The following HLA-DRA variants were observed in gnomAD, a reference collection of about 807,000 sequenced individuals.
HLA-DRA encodes the protein major histocompatibility complex, class II, DR alpha.
HLA-DRA carries 8 observed loss-of-function variants against 22.1 expected under a neutral mutation model. The ratio of observed to expected loss-of-function variants is 0.36; its 90% CI spans 0.21 to 0.65. HLA-DRA has a LOEUF of 0.65. HLA-DRA is among the 30% of genes least tolerant of loss of function. The probability of loss-of-function intolerance (pLI) is 0.63; values close to 1 mark genes in which losing one functional copy is unlikely to be tolerated. For synonymous variants in HLA-DRA, 101 were observed against 117.1 expected, an observed-to-expected ratio of 0.86 and a Z score of 0.89; for missense variants, 248 against 321.3, an observed-to-expected ratio of 0.77 and a Z score of 1.74.
In HLA-DRA at chr6:32,443,255, C is replaced by T; in HGVS notation, c.399C>T (p.Phe133=). The T allele has an allele frequency of 6.2e-7, 1 of 1,612,930 alleles. No homozygotes were observed. The highest frequency in any genetic ancestry group is 1.6e-4 in the Middle Eastern group (1 of 6,062). ...GAGAGCCCAACGTCCTCATCTGTTT[C>T]ATAGACAAGTTCACCCCACCAGTGG... ...ELREPNVLIC[F]IDKFTPPVVN... The change falls in exon 3 of 5, where the codon TTC becomes TTT. Residue 133 remains phenylalanine, a synonymous_variant. Coordinates refer to ENST00000395388, the MANE Select transcript of HLA-DRA (RefSeq NM_019111.5).
At position 32,442,486 on chromosome 6, in the gene HLA-DRA, C is replaced by A. The variant is rs1486234672; in HGVS notation, c.121C>A (p.Pro41Thr). ...VIIQAEFYLN[P>T]DQSGEFMFDF... is the part of the protein sequence containing the mutation. Reference sequence around the variant, plus strand: ...CATCCAGGCCGAGTTCTATCTGAATCCTGACCAATCAGGCGAGTTTATGTT... The same window carrying A: ...CATCCAGGCCGAGTTCTATCTGAATACTGACCAATCAGGCGAGTTTATGTT... Residue 41 changes from proline to threonine, a missense_variant, in exon 2 of 5, where the codon CCT becomes ACT. Pro to Thr is a conservative substitution (Grantham distance 38). Coordinates refer to ENST00000395388, the MANE Select transcript of HLA-DRA (RefSeq NM_019111.5). 10 of 1,612,936 alleles carry A rather than the reference C, an allele frequency of 6.2e-6. No homozygotes were observed. Among genetic ancestry groups the A allele is most frequent in the Non-Finnish European group, 7.6e-6 (9 of 1,180,036 alleles).
rs541798926 is a variant in HLA-DRA, at chr6:32,443,868, A to G, written c.723A>G (p.Gly241=). The G allele has an allele frequency of 1.2e-6, 2 of 1,611,328 alleles. No homozygotes were observed. Among genetic ancestry groups the G allele is most frequent in the Non-Finnish European group, 1.7e-6 (2 of 1,179,276 alleles). Residue 241 remains glycine (G), a synonymous_variant, in exon 4 of 5, where the codon GGA becomes GGG. Coordinates refer to ENST00000395388, the MANE Select transcript of HLA-DRA (RefSeq NM_019111.5). ...TTGGGACCATCTTCATCATCAAGGG[A>G]TTGCGCAAAAGCAATGCAGCAGAAC... is the stretch of plus-strand genomic sequence containing the variant. ...IIIGTIFIIK[G]LRKSNAAERR...
intron 1 of HLA-DRA, among the ~76,000 whole-genome samples, chr6:32,441,376 A>G (rs1483068014): frequency 1.3e-5 from 2 of 151,746 alleles, no homozygotes; most frequent in African/African-American, 4.8e-5. Context: ...AACCAAAACA[A>G]AACAAAATAT....
Position 32,442,631 on chromosome 6 carries a change from C to G in HLA-DRA, c.266C>G (p.Ala89Gly). ...GCTCAAGGTGCATTGGCCAACATAG[C>G]TGTGGACAAAGCCAACCTGGAAATC... ...FEAQGALANI[A>G]VDKANLEIMT... Residue 89 changes from alanine to glycine, a missense_variant, in exon 2 of 5, where the codon GCT becomes GGT. Transcript: ENST00000395388. 1.9e-6 allele frequency: 3 copies of G among 1,613,064 alleles called. No individual in the cohort carries two copies. Among genetic ancestry groups the G allele is most frequent in the Non-Finnish European group, 2.5e-6 (3 of 1,180,018 alleles).
In HLA-DRA at chr6:32,443,808, C is replaced by T. The variant is rs139874048; in HGVS notation, c.663C>T (p.Ala221=). 5.0e-4 allele frequency: 800 copies of T among 1,612,004 alleles called. No individual in the cohort carries two copies. Among genetic ancestry groups the T allele is most frequent in the Non-Finnish European group, 6.6e-4 (778 of 1,179,636 alleles). ...LPETTENVVC[A]LGLTVGLVGI... is the part of the protein sequence containing the mutation. ...AGACTACAGAGAACGTGGTGTGTGCCCTGGGCCTGACTGTGGGTCTGGTGG... is the reference window on the plus strand; with the variant it reads ...AGACTACAGAGAACGTGGTGTGTGCTCTGGGCCTGACTGTGGGTCTGGTGG... Residue 221 remains alanine, a synonymous_variant, in exon 4 of 5, where the codon GCC becomes GCT. Coordinates refer to ENST00000395388, the MANE Select transcript of HLA-DRA (RefSeq NM_019111.5).
chr6:32,443,415 G>T lies in HLA-DRA; in HGVS notation c.559G>T (p.Asp187Tyr), dbSNP rs770825671. ...PFLPSTEDVY[D>Y]CRVEHWGLDE... ...CCTGCCCTCAACTGAGGACGTTTACGACTGCAGGGTGGAGCACTGGGGCTT... is the reference window on the plus strand; with the variant it reads ...CCTGCCCTCAACTGAGGACGTTTACTACTGCAGGGTGGAGCACTGGGGCTT... Residue 187 changes from aspartate to tyrosine, a missense_variant, in exon 3 of 5, where the codon GAC becomes TAC. By Grantham distance (160) the Asp-to-Tyr change is radical. Coordinates refer to ENST00000395388, the MANE Select transcript of HLA-DRA (RefSeq NM_019111.5). The T allele has an allele frequency of 1.2e-6, 2 of 1,613,010 alleles. No homozygotes were observed. Among genetic ancestry groups the T allele is most frequent in the Non-Finnish European group, 1.7e-6 (2 of 1,180,002 alleles).
intron 1 of HLA-DRA, among the ~76,000 whole-genome samples, chr6:32,440,824 C>A (rs1486192528): frequency 6.6e-6 from 1 of 152,178 alleles, no homozygotes; most frequent in Non-Finnish European, 1.5e-5. Flanking sequence ...CCCAGCGTGA[C>A]CCCCACAGAA....
intron 1 of HLA-DRA, among the ~76,000 whole-genome samples, chr6:32,440,826 C>G (rs1476816753): frequency 6.6e-6 from 1 of 152,172 alleles, no homozygotes; most frequent in Non-Finnish European, 1.5e-5. Flanking sequence ...CAGCGTGACC[C>G]CCACAGAAGG....
rs756467266 is a variant in HLA-DRA, at chr6:32,443,447, G to A, written c.591G>A (p.Glu197=). 12 of 1,612,900 alleles carry A rather than the reference G, an allele frequency of 7.4e-6. No homozygotes were observed. The South Asian group carries it at 9.9e-5, about 13-fold the overall frequency. ...DCRVEHWGLD[E]PLLKHWEFDA... is the part of the protein sequence containing the mutation. The stretch of plus-strand genomic sequence containing the variant: ...GGGTGGAGCACTGGGGCTTGGATGA[G>A]CCTCTTCTCAAGCACTGGGGTATGG... Residue 197 remains glutamate (E), a synonymous_variant, in exon 3 of 5, where the codon GAG becomes GAA. Coordinates refer to ENST00000395388, the MANE Select transcript of HLA-DRA (RefSeq NM_019111.5).
Position 32,442,648 on chromosome 6 carries a change from C to A in HLA-DRA, c.283C>A (p.Leu95Met). 6.2e-7 allele frequency: 1 copy of A among 1,613,068 alleles called. No homozygotes were observed. The highest frequency in any genetic ancestry group is 8.5e-7 in the Non-Finnish European group (1 of 1,180,022). Residue 95 changes from leucine to methionine, a missense_variant, in exon 2 of 5, where the codon CTG becomes ATG. By Grantham distance (15) the Leu-to-Met change is conservative (BLOSUM62 2). Transcript: ENST00000395388. Reference protein sequence around the residue: ...LANIAVDKANLEIMTKRSNYT... With the variant: ...LANIAVDKANMEIMTKRSNYT... ...CAACATAGCTGTGGACAAAGCCAAC[C>A]TGGAAATCATGACAAAGCGCTCCAA...
In HLA-DRA at chr6:32,443,326, T is replaced by A; in HGVS notation, c.470T>A (p.Val157Glu). 1.2e-6 allele frequency: 2 copies of A among 1,612,978 alleles called. No individual in the cohort carries two copies. The highest frequency in any genetic ancestry group is 1.7e-6 in the Non-Finnish European group (2 of 1,180,006). The part of the protein sequence containing the change: ...LRNGKPVTTG[V>E]SETVFLPRED... The stretch of plus-strand genomic sequence containing the variant: ...AATGGAAAACCTGTCACCACAGGAG[T>A]GTCAGAGACAGTCTTCCTGCCCAGG... The change falls in exon 3 of 5, where the codon GTG (valine) becomes GAG (glutamate). Residue 157 changes from valine to glutamate, a missense_variant. Transcript: ENST00000395388.
intron 2 of HLA-DRA, 53 bp from the exon 3 acceptor site, chr6:32,443,132 T>G: frequency 1.5e-5 from 23 of 1,493,180 alleles, no homozygotes; most frequent in Non-Finnish European, 2.1e-5. Flanking sequence ...GGGAGAGGGG[T>G]GAGCCTAAGC....
intron 2 of HLA-DRA, among the ~76,000 whole-genome samples, chr6:32,442,921 T>C (rs1001105789): frequency 1.3e-5 from 2 of 152,150 alleles, no homozygotes; most frequent in South Asian, 2.1e-4. Flanking sequence ...TACGAAGTCA[T>C]TGCCCTAAGT....
chr6:32,440,050 G>T lies in HLA-DRA; in HGVS notation c.82+18G>T. ...TATCAAAGGTAGGTGCTGAGGGAAT[G>T]AAATCTGGGACGATAGACTACGAAG... On this transcript the variant is annotated intron_variant, in intron 1 of 4. Transcript: ENST00000395388. 6.2e-7 allele frequency: 1 copy of T among 1,600,042 alleles called. No homozygotes were observed. The highest frequency in any genetic ancestry group is 8.6e-7 in the Non-Finnish European group (1 of 1,167,160).
rs548267071 is a variant in HLA-DRA, at chr6:32,443,550, A to C, written c.610+84A>C. The stretch of plus-strand genomic sequence containing the variant: ...AAACTCGGTGTTCTAACTGTTTCAT[A>C]ATATCTGCTACAATTAATATAACTG... On this transcript the variant is annotated intron_variant, in intron 3 of 4. Coordinates refer to ENST00000395388, the MANE Select transcript of HLA-DRA (RefSeq NM_019111.5). The C allele has an allele frequency of 2.3e-6, 3 of 1,293,226 alleles. No individual in the cohort carries two copies. In the South Asian group the frequency reaches 4.0e-5, roughly 17 times the overall value. The allele number at this position is 1,293,226 out of a possible 1,614,324, so 80.1% of individuals were successfully genotyped here. A position where few individuals can be genotyped will look rare whatever the true frequency, so the allele number is the denominator to read the frequency against.
rs755929063 is a variant in HLA-DRA at position 32,442,726 on chromosome 6, G to T, written c.328+33G>T. On this transcript the variant is annotated intron_variant, in intron 2 of 4. Coordinates refer to ENST00000395388, the MANE Select transcript of HLA-DRA (RefSeq NM_019111.5). ...CCTCTCTGCTGCACTCCTGGACATG[G>T]GAATCCATAGTTTGAAAGTAGTTGC... The T allele has an allele frequency of 6.2e-6, 10 of 1,607,948 alleles. No homozygotes were observed. The African/African-American group carries it at 1.2e-4, about 19-fold the overall frequency.
At position 32,443,792 on chromosome 6, in the gene HLA-DRA, A is replaced by G. The variant is rs1301600192; in HGVS notation, c.647A>G (p.Glu216Gly). Residue 216 changes from glutamate to glycine, a missense_variant, in exon 4 of 5, where the codon GAG becomes GGG. Physicochemically the swap from Glu to Gly is moderately conservative, Grantham distance 98. Coordinates refer to ENST00000395388, the MANE Select transcript of HLA-DRA (RefSeq NM_019111.5). ...DAPSPLPETT[E>G]NVVCALGLTV... is the part of the protein sequence containing the mutation. ...CCAAGCCCTCTCCCAGAGACTACAG[A>G]GAACGTGGTGTGTGCCCTGGGCCTG... 6.2e-7 allele frequency: 1 copy of G among 1,610,324 alleles called. No homozygotes were observed. Among genetic ancestry groups the G allele is most frequent in the South Asian group, 1.1e-5 (1 of 90,502 alleles).
At chr6:32,441,212 G>T (rs1762593806) in intron 1 of HLA-DRA, among the ~76,000 whole-genome samples, 3 of 152,154 alleles carry the variant, frequency 2.0e-5, no homozygotes, top group Non-Finnish European at 4.4e-5. Flanking sequence ...CAAAAAATTA[G>T]CTGGGTATGG....
intron 2 of HLA-DRA, 104 bp downstream of exon 2, chr6:32,442,797 G>A: frequency 7.7e-6 from 11 of 1,425,776 alleles, no homozygotes; most frequent in South Asian, 1.3e-5. Flanking sequence ...TCCCTCCAAG[G>A]GTCTAACCTT....
Sources: gnomAD v4.1 joint callset for allele counts (sites outside exome capture counted in the v4.1 genomes callset) on GRCh38, gnomAD v4.1.1 for gene constraint, MANE v1.5 for transcripts, NCBI Gene and HGNC (gene_info 2026-07-23, HGNC 2026-07-21) for gene names.